Variants in NTRK3 observed in about 807,000 individuals in gnomAD.
NTRK3 encodes neurotrophic receptor tyrosine kinase 3.
In NTRK3, 24 loss-of-function variants were observed where a neutral mutation model predicts 91.7. The observed-to-expected ratio is 0.26, with a 90% confidence interval of 0.19 to 0.37. The LOEUF is 0.37. Ranked by LOEUF, NTRK3 falls within the 10% of genes least tolerant of loss-of-function variation. NTRK3 has a pLI of 1.00. For missense variants in NTRK3, 880 were observed against 1,068.9 expected, an observed-to-expected ratio of 0.82 and a Z score of 2.46; for synonymous variants, 483 against 404.0, an observed-to-expected ratio of 1.20 and a Z score of -2.34.
At chr15:88,256,309 C>G (rs978674011) in exon 2 of NTRK3, 2 of 677,574 alleles carry the variant, frequency 3.0e-6, no homozygotes, top group African/African-American at 1.8e-5. Context: ...CGATCAGATG[C>G]AAAATCCTTC....
rs770539154 is a variant in NTRK3, at chr15:88,168,931, A to G, written c.395+14487T>C. Among the ~76,000 whole-genome samples, 222 of 152,246 alleles carry G rather than the reference A, an allele frequency of 1.5e-3. 1 individual carries two copies. Among genetic ancestry groups the G allele is most frequent in the Non-Finnish European group, 2.2e-3 (152 of 68,050 alleles). On this transcript the variant is annotated intron_variant, in intron 5 of 18. Transcript: ENST00000394480. Reference sequence around the variant, plus strand: ...GTCTTTGGCCTATGGATCTGTGCACATGACACTTGTGCTGAAACCTGAAAG... The same window carrying G: ...GTCTTTGGCCTATGGATCTGTGCACGTGACACTTGTGCTGAAACCTGAAAG...
intron 13 of NTRK3, among the ~76,000 whole-genome samples, chr15:88,042,355 A>G (rs367640642): frequency 8.3e-4 from 127 of 152,326 alleles, no homozygotes; most frequent in African/African-American, 2.9e-3. Context: ...GCTGTGCTCA[A>G]GAACAGACCT....
At chr15:88,061,824 G>A (rs1487209795) in intron 13 of NTRK3, among the ~76,000 whole-genome samples, 2 of 152,118 alleles carry the variant, frequency 1.3e-5, no homozygotes, top group African/African-American at 4.8e-5. Flanking sequence ...CTCAGAGCTG[G>A]GCTTGGGACT....
chr15:87,918,249 T>A (rs2067599368), intron 17 of NTRK3, among the ~76,000 whole-genome samples: 1 of 152,232 alleles, frequency 6.6e-6, no homozygotes, highest in Non-Finnish European at 1.5e-5. Context: ...CACTGCCTTA[T>A]GAATTGTCCT....
intron 13 of NTRK3, among the ~76,000 whole-genome samples, chr15:88,074,741 G>C (rs527306995): frequency 6.6e-6 from 1 of 152,256 alleles, no homozygotes; most frequent in African/African-American, 2.4e-5. Flanking sequence ...CATCAAACTA[G>C]AGAAATTCAT....
intron 3 of NTRK3, among the ~76,000 whole-genome samples, chr15:88,248,012 A>G (rs1327656447): frequency 1.3e-5 from 2 of 152,214 alleles, no homozygotes; most frequent in East Asian, 3.9e-4. Context: ...CCAAAGCTCT[A>G]CCTGGGAGAA....
At chr15:88,025,635 G>A (rs534416760) in intron 14 of NTRK3, among the ~76,000 whole-genome samples, 29 of 152,282 alleles carry the variant, frequency 1.9e-4, no homozygotes, top group African/African-American at 6.0e-4. Flanking sequence ...GGAAAGGAAG[G>A]ATTGATTCCC....
At chr15:88,256,419 G>T in exon 2 of NTRK3, 1 of 550,198 alleles carries the variant, frequency 1.8e-6, no homozygotes, top group Non-Finnish European at 3.1e-6. Flanking sequence ...CATGGTGGCC[G>T]GCTCGGCGAT....
chr15:88,221,510 C>T lies in NTRK3; in HGVS notation c.248+34396G>A, dbSNP rs190131762. ...CTTACTTTTTCAACAAGGAGTTTAC[C>T]GTCAGGTGCGGTGGCTCACGCCTGT... On this transcript the variant is annotated intron_variant, in intron 3 of 18. Transcript: ENST00000394480. Among the ~76,000 whole-genome samples the T allele has an allele frequency of 3.3e-3, 499 of 152,278 alleles. 1 individual carries two copies. Among genetic ancestry groups the T allele is most frequent in the South Asian group, 5.6e-3 (27 of 4,822 alleles).
chr15:88,127,254 G>A, intron 11 of NTRK3, 28 bp from the exon 12 acceptor site: 1 of 1,601,622 alleles, frequency 6.2e-7, no homozygotes, highest in Non-Finnish European at 8.6e-7. Flanking sequence ...AAAGGAGGAG[G>A]ACAGTTAGCT....
Position 88,255,829 on chromosome 15 carries a change from G to T in NTRK3, c.248+77C>A, listed in dbSNP as rs1257948526. 10 of 1,337,454 alleles carry T rather than the reference G, an allele frequency of 7.5e-6. No homozygotes were observed. The highest frequency in any genetic ancestry group is 9.8e-6 in the Non-Finnish European group (10 of 1,017,982). 82.8% of individuals were successfully genotyped at this position (1,337,454 alleles called of 1,614,324 possible). A position where few individuals can be genotyped will look rare whatever the true frequency, so the allele number is the denominator to read the frequency against. On this transcript the variant is annotated intron_variant, in intron 3 of 18. Transcript: ENST00000394480. This position sits in a 1 kb window ranked among gnomAD's most constrained non-coding sequence, Gnocchi z 4.3. ...GGCGAGCTGGGGCGGGCGGAGGGCC[G>T]GCTCCCGGCCGCGGGTGGGCAGGAG... is the stretch of plus-strand genomic sequence containing the variant.
chr15:88,078,383 C>T (rs144244715), intron 13 of NTRK3, among the ~76,000 whole-genome samples: 129 of 152,272 alleles, frequency 8.5e-4, no homozygotes, highest in African/African-American at 2.9e-3. Context: ...AGGCCTGGTG[C>T]GGTGGCTCAC....
intron 13 of NTRK3, among the ~76,000 whole-genome samples, chr15:88,052,202 C>G (rs1458101750): frequency 6.6e-6 from 1 of 152,158 alleles, no homozygotes; most frequent in Non-Finnish European, 1.5e-5. Context: ...TAAAATAGCT[C>G]CAAGAATAGG....
chr15:88,154,383 A>G (rs60765882), intron 5 of NTRK3, among the ~76,000 whole-genome samples: 3,087 of 152,336 alleles, frequency 0.02, 101 homozygotes, highest in African/African-American at 0.069. Context: ...AGGAGGGCCC[A>G]TGAGCCAACC....
At chr15:87,970,781 TACA>T (rs1319391241) in intron 14 of NTRK3, among the ~76,000 whole-genome samples, 1 of 152,162 alleles carries the variant, frequency 6.6e-6, no homozygotes, top group Non-Finnish European at 1.5e-5. Flanking sequence ...ACTTGATCCT[TACA>T]ACATCATTTG....
chr15:87,988,913 CTTTTT>C (rs1410301828), intron 14 of NTRK3, among the ~76,000 whole-genome samples: 2 of 151,812 alleles, frequency 1.3e-5, no homozygotes, highest in African/African-American at 4.8e-5. Flanking sequence ...GTGTTTCATA[CTTTTT>C]TTTATTTTTA....
chr15:87,985,477 A>T (rs2074682752), intron 14 of NTRK3, among the ~76,000 whole-genome samples: 1 of 152,206 alleles, frequency 6.6e-6, no homozygotes, highest in Admixed American at 6.5e-5. Flanking sequence ...TAGAACCAAA[A>T]TGTCCCTGTT....
chr15:88,165,476 TA>T (rs2044847026), intron 5 of NTRK3, among the ~76,000 whole-genome samples: 2 of 152,316 alleles, frequency 1.3e-5, no homozygotes, highest in South Asian at 4.2e-4. Context: ...ATTAACTTGC[TA>T]ATCATTTTTC....
At chr15:88,027,645 G>A (rs2078155645) in intron 14 of NTRK3, among the ~76,000 whole-genome samples, 1 of 152,210 alleles carries the variant, frequency 6.6e-6, no homozygotes, top group African/African-American at 2.4e-5. Context: ...GCCTCCCAAA[G>A]TGCTGGGATT....
Sources: gnomAD v4.1 joint callset for allele counts (sites outside exome capture counted in the v4.1 genomes callset) on GRCh38, gnomAD v4.1.1 for gene constraint, Gnocchi (gnomAD v3.1) non-coding constraint, MANE v1.5 for transcripts, NCBI Gene and HGNC (gene_info 2026-07-23, HGNC 2026-07-21) for gene names.